Variants in MIA2 observed in about 807,000 individuals in gnomAD.
MIA2 encodes the protein melanoma inhibitory activity protein 2.
A neutral mutation model predicts 167.8 loss-of-function variants in MIA2; 127 were observed. That is an observed-to-expected ratio of 0.76 (90% CI 0.66 to 0.88). The LOEUF is 0.88. MIA2 is among the 40% of genes least tolerant of loss of function. MIA2 has a pLI of 0.00. For synonymous variants in MIA2, 552 were observed against 541.9 expected (o/e 1.02, Z -0.26); for missense variants, 1,690 against 1,624.7 (o/e 1.04, Z -0.69).
intron 3 of MIA2, among the ~76,000 whole-genome samples, chr14:39,243,410 A>G (rs141306130): frequency 6.6e-6 from 1 of 152,232 alleles, no homozygotes; most frequent in South Asian, 2.1e-4. Flanking sequence ...AATCCTCACG[A>G]CACCTCGGTA....
intron 23 of MIA2, among the ~76,000 whole-genome samples, chr14:39,378,582 G>A (rs1055210603): frequency 2.0e-5 from 3 of 152,178 alleles, no homozygotes; most frequent in African/African-American, 7.2e-5. Flanking sequence ...AGGAAATTTA[G>A]TTACTTCTTT....
intron 24 of MIA2, among the ~76,000 whole-genome samples, chr14:39,324,758 C>T (rs1331702916): frequency 6.6e-6 from 1 of 151,992 alleles, no homozygotes; most frequent in South Asian, 2.1e-4. Flanking sequence ...AGGCACGTGC[C>T]ACTGTACCCA....
intron 6 of MIA2, among the ~76,000 whole-genome samples, chr14:39,264,481 A>T (rs1403312673): frequency 6.6e-6 from 1 of 152,168 alleles, no homozygotes; most frequent in Non-Finnish European, 1.5e-5. Context: ...TGCTGGGTCG[A>T]ATGGTGGTTC....
At chr14:39,379,485 C>T (rs542866549) in intron 23 of MIA2, among the ~76,000 whole-genome samples, 2 of 152,034 alleles carry the variant, frequency 1.3e-5, no homozygotes, top group African/African-American at 2.4e-5. Flanking sequence ...TCCCCTCTCC[C>T]GTCGTACAAA....
chr14:39,295,090 C>T (rs1284463975), intron 13 of MIA2, 61 bp downstream of exon 13: 16 of 1,149,638 alleles, frequency 1.4e-5, no homozygotes, highest in Middle Eastern at 1.9e-4. Flanking sequence ...TTCTTGTCAT[C>T]CTCATGACTG....
At chr14:39,354,419 T>C (rs1459047897), downstream of MIA2, among the ~76,000 whole-genome samples, 1 of 152,228 alleles carries the variant, frequency 6.6e-6, no homozygotes, top group Non-Finnish European at 1.5e-5. Flanking sequence ...GCTGTTTTTT[T>C]CTCGTAAATT....
chr14:39,374,165 A>C (rs575953170), intron 23 of MIA2, among the ~76,000 whole-genome samples: 1 of 152,366 alleles, frequency 6.6e-6, no homozygotes, highest in African/African-American at 2.4e-5. Context: ...AGACTGGAAG[A>C]GCAGCAACAT....
intron 26 of MIA2, among the ~76,000 whole-genome samples, chr14:39,346,578 T>G (rs2073298189): frequency 6.6e-6 from 1 of 151,710 alleles, no homozygotes; most frequent in Non-Finnish European, 1.5e-5. Flanking sequence ...GTACACAACG[T>G]TAAGAAAATA....
At chr14:39,316,270 A>G (rs1436257543) in intron 21 of MIA2, among the ~76,000 whole-genome samples, 1 of 152,232 alleles carries the variant, frequency 6.6e-6, no homozygotes. Flanking sequence ...ACTAATTATA[A>G]GAAAGACACT....
chr14:39,271,864 A>C (rs1039672442), intron 6 of MIA2, among the ~76,000 whole-genome samples: 1 of 152,048 alleles, frequency 6.6e-6, no homozygotes, highest in Non-Finnish European at 1.5e-5. Flanking sequence ...GAATTTATTA[A>C]GTGAAAGGAA....
chr14:39,374,422 T>A (rs970114966), intron 23 of MIA2, among the ~76,000 whole-genome samples: 1 of 152,218 alleles, frequency 6.6e-6, no homozygotes, highest in African/African-American at 2.4e-5. Flanking sequence ...ATACAGATGC[T>A]AACACATGGT....
chr14:39,352,887 T>A (rs1428972035), downstream of MIA2, among the ~76,000 whole-genome samples: 1 of 152,152 alleles, frequency 6.6e-6, no homozygotes, highest in Admixed American at 6.6e-5. Flanking sequence ...ATACTTCAAA[T>A]TTAATCTTTT....
chr14:39,347,682 G>T (rs371016935), intron 26 of MIA2, 31 bp from the exon 27 acceptor site: 1 of 1,604,982 alleles, frequency 6.2e-7, no homozygotes, highest in Non-Finnish European at 8.5e-7. Flanking sequence ...GATAAATCAT[G>T]TACTTTTCAT....
chr14:39,295,270 A>G (rs2061269798), intron 13 of MIA2, among the ~76,000 whole-genome samples: 2 of 152,144 alleles, frequency 1.3e-5, no homozygotes, highest in Non-Finnish European at 2.9e-5. Flanking sequence ...CATTTTGGTA[A>G]TCATAACCAA....
chr14:39,277,087 A>T, intron 7 of MIA2, 22 bp downstream of exon 7: 1 of 1,594,380 alleles, frequency 6.3e-7, no homozygotes, highest in East Asian at 2.2e-5. Context: ...GTGCTATACT[A>T]AGAGAATGTT....
At chr14:39,279,934 C>T (rs528300668) in intron 9 of MIA2, among the ~76,000 whole-genome samples, 15 of 152,288 alleles carry the variant, frequency 9.8e-5, no homozygotes, top group African/African-American at 3.4e-4. Context: ...AATACAGTCA[C>T]ATTCTGAGGT....
intron 6 of MIA2, among the ~76,000 whole-genome samples, chr14:39,268,593 T>TGTA (rs1347413393): frequency 6.6e-6 from 1 of 152,126 alleles, no homozygotes; most frequent in Non-Finnish European, 1.5e-5. Flanking sequence ...TTGCCGGAGA[T>TGTA]GTAAGTAGGT....
intron 6 of MIA2, among the ~76,000 whole-genome samples, chr14:39,261,834 GTTGT>G (rs935111575): frequency 1.5e-4 from 23 of 152,136 alleles, no homozygotes; most frequent in Admixed American, 6.5e-4. Context: ...TGTTGATGGG[GTTGT>G]TTATTTTTTT....
Position 39,283,570 on chromosome 14 carries a change from A to G in MIA2, c.2130+4033A>G, listed in dbSNP as rs367641174. On this transcript the variant is annotated intron_variant, in intron 9 of 28. Transcript: ENST00000640607. ...CCTTTTTTTTGTAACTTTTAAGTTCAGGGGTACAAGTGCACATTTGTTACA... is the reference window on the plus strand; with the variant it reads ...CCTTTTTTTTGTAACTTTTAAGTTCGGGGGTACAAGTGCACATTTGTTACA... Among the ~76,000 whole-genome samples, 96 of 152,290 alleles carry G rather than the reference A, an allele frequency of 6.3e-4. 1 individual carries two copies. Among genetic ancestry groups the G allele is most frequent in the African/African-American group, 2.2e-3 (92 of 41,558 alleles).
Sources: gnomAD v4.1 joint callset for allele counts (sites outside exome capture counted in the v4.1 genomes callset) on GRCh38, gnomAD v4.1.1 for gene constraint, MANE v1.5 for transcripts, NCBI Gene and HGNC (gene_info 2026-07-23, HGNC 2026-07-21) for gene names.